The following TENM2 variants were observed in gnomAD, a reference collection of about 807,000 sequenced individuals.
The protein encoded by TENM2 is teneurin-2.
A neutral mutation model predicts 245.2 loss-of-function variants in TENM2; 52 were observed. That is an observed-to-expected ratio of 0.21 (90% CI 0.17 to 0.27). TENM2 has a LOEUF of 0.27. Among genes scored for constraint, TENM2 ranks in the 10% least tolerant of loss-of-function variants. The pLI is 1.00. For synonymous variants in TENM2, 1,363 were observed against 1,438.9 expected, an observed-to-expected ratio of 0.95 and a Z score of 1.19; for missense variants, 3,046 against 3,666.8, an observed-to-expected ratio of 0.83 and a Z score of 4.37.
chr5:168,225,344 G>C (rs73385790), intron 23 of TENM2, among the ~76,000 whole-genome samples: 8,995 of 152,270 alleles, frequency 0.059, 896 homozygotes, highest in African/African-American at 0.2. Flanking sequence ...TCTCAAATGC[G>C]AGATTTTTAT....
At chr5:168,061,207 A>G (rs897823485) in intron 6 of TENM2, among the ~76,000 whole-genome samples, 6 of 152,184 alleles carry the variant, frequency 3.9e-5, no homozygotes, top group South Asian at 2.1e-4. Context: ...TGGCCTTTAT[A>G]CTGAGACTTT....
At chr5:167,308,590 C>T (rs1581710550) in intron 1 of TENM2, among the ~76,000 whole-genome samples, 1 of 152,146 alleles carries the variant, frequency 6.6e-6, no homozygotes, top group Non-Finnish European at 1.5e-5. Context: ...GCTGTGTTCC[C>T]CTCAGGCCGC....
chr5:167,340,141 A>G (rs558072328), intron 1 of TENM2, among the ~76,000 whole-genome samples: 1 of 152,296 alleles, frequency 6.6e-6, no homozygotes, highest in African/African-American at 2.4e-5. Context: ...TCACTTTATA[A>G]CAAGGACACC....
chr5:168,251,119 C>A (rs892797869), intron 27 of TENM2, among the ~76,000 whole-genome samples: 1 of 152,146 alleles, frequency 6.6e-6, no homozygotes, highest in African/African-American at 2.4e-5. Flanking sequence ...CAGAATGTCC[C>A]TTCCAGAAGC....
chr5:167,328,835 A>G (rs78538749), intron 1 of TENM2, among the ~76,000 whole-genome samples: 2 of 151,528 alleles, frequency 1.3e-5, no homozygotes, highest in African/African-American at 2.4e-5. Flanking sequence ...TCTCTGCTTT[A>G]TTTTCTTTTT....
At chr5:167,625,370 G>C (rs2127779149) in intron 2 of TENM2, among the ~76,000 whole-genome samples, 1 of 152,060 alleles carries the variant, frequency 6.6e-6, no homozygotes, top group East Asian at 1.9e-4. Flanking sequence ...TTCAGTTCAT[G>C]TTTACCTTAA....
At chr5:167,021,617 A>G in the TENM2 span, among the ~76,000 whole-genome samples, 5 of 152,204 alleles carry the variant, frequency 3.3e-5, no homozygotes, top group South Asian at 2.1e-4. Context: ...CTTTTTGTAT[A>G]TAGCAGATCT....
intron 1 of TENM2, among the ~76,000 whole-genome samples, chr5:167,331,671 A>G (rs1030829617): frequency 1.3e-5 from 2 of 152,080 alleles, no homozygotes; most frequent in African/African-American, 4.8e-5. Flanking sequence ...ATGATGGCAA[A>G]TGCAACTCTT....
intron 5 of TENM2, among the ~76,000 whole-genome samples, chr5:168,042,049 G>A (rs1467095132): frequency 1.3e-5 from 2 of 152,114 alleles, no homozygotes; most frequent in African/African-American, 2.4e-5. Flanking sequence ...CAGGAGCCCC[G>A]ACATTGTTGA....
intron 5 of TENM2, among the ~76,000 whole-genome samples, chr5:168,035,824 T>G (rs1787614817): frequency 6.6e-6 from 1 of 152,170 alleles, no homozygotes; most frequent in Admixed American, 6.5e-5. Context: ...ACCCTAGACC[T>G]TGGGTATGTC....
intron 3 of TENM2, among the ~76,000 whole-genome samples, chr5:167,915,463 A>T (rs1776867709): frequency 6.6e-6 from 1 of 152,020 alleles, no homozygotes; most frequent in Non-Finnish European, 1.5e-5. Context: ...TCCATATTGA[A>T]TTGCTTTTCT....
chr5:167,329,551 CAAAAAAAAAAAAAAAAAAAAA>C (rs34165505), intron 1 of TENM2, among the ~76,000 whole-genome samples: 1 of 21,936 alleles, frequency 4.6e-5, no homozygotes, highest in Non-Finnish European at 7.8e-5. Flanking sequence ...GACTCAGTCT[CAAAAAAAAAAAAAAAAAAAAA>C]AAAAAAAAGA....
At chr5:168,137,093 C>T (rs556332349) in intron 12 of TENM2, among the ~76,000 whole-genome samples, 36 of 152,248 alleles carry the variant, frequency 2.4e-4, no homozygotes, top group South Asian at 1.2e-3. Flanking sequence ...ACAAAAAGTA[C>T]GTCCTGCCAG....
chr5:167,362,110 T>G (rs1409903886), intron 1 of TENM2, among the ~76,000 whole-genome samples: 1 of 152,202 alleles, frequency 6.6e-6, no homozygotes, highest in Non-Finnish European at 1.5e-5. Flanking sequence ...AGGCTTTACA[T>G]GTATTTGTAA....
chr5:167,748,173 A>G (rs1398361957), intron 2 of TENM2, among the ~76,000 whole-genome samples: 2 of 152,004 alleles, frequency 1.3e-5, no homozygotes, highest in African/African-American at 4.8e-5. Context: ...TCACTCTCCT[A>G]TTTGTCTTTA....
intron 10 of TENM2, among the ~76,000 whole-genome samples, chr5:168,120,895 T>G (rs1412509161): frequency 2.0e-5 from 3 of 152,212 alleles, no homozygotes; most frequent in African/African-American, 7.2e-5. Context: ...GTTGTACTAT[T>G]AACAAATTTG....
intron 2 of TENM2, among the ~76,000 whole-genome samples, chr5:167,531,971 A>G (rs1209781800): frequency 2.6e-5 from 4 of 152,182 alleles, no homozygotes; most frequent in Non-Finnish European, 5.9e-5. Context: ...GAAAAAGAGC[A>G]TCTCTTAATA....
intron 1 of TENM2, among the ~76,000 whole-genome samples, chr5:167,301,735 A>G (rs1012726067): frequency 3.3e-5 from 5 of 152,180 alleles, no homozygotes; most frequent in African/African-American, 1.2e-4. Flanking sequence ...TTTGATGAAA[A>G]AGAGCCTAAA....
At chr5:167,916,916 G>T (rs909947284) in intron 3 of TENM2, among the ~76,000 whole-genome samples, 1 of 152,082 alleles carries the variant, frequency 6.6e-6, no homozygotes, top group African/African-American at 2.4e-5. Context: ...ACGTGGTTTT[G>T]GTGTTGTTGC....
Sources: allele counts gnomAD v4.1 joint callset (sites outside exome capture counted in the v4.1 genomes callset), GRCh38; gene constraint gnomAD v4.1.1; transcripts MANE v1.5; gene names NCBI Gene and HGNC (gene_info 2026-07-23, HGNC 2026-07-21).